NUP210L: variants seen among roughly 807,000 people sequenced by gnomAD.
NUP210L encodes the protein nucleoporin 210 like.
Under a neutral mutation model 208.5 loss-of-function variants are expected in NUP210L, and 74 were observed. The ratio of observed to expected loss-of-function variants is 0.35; its 90% confidence interval spans 0.29 to 0.43. The LOEUF (loss-of-function observed/expected upper bound fraction) is 0.43, where lower values mean the gene tolerates loss of function less well. NUP210L is among the 20% of genes least tolerant of loss of function. The probability of loss-of-function intolerance (pLI) is 1.00; values close to 1 mark genes in which losing one functional copy is unlikely to be tolerated. For missense variants in NUP210L, 1,843 were observed against 2,289.4 expected (o/e 0.81, Z 3.98); for synonymous variants, 780 against 816.9 (o/e 0.95, Z 0.77).
chr1:154,154,737 A>G (rs1488273653), intron 1 of NUP210L, 105 bp downstream of exon 1: 5 of 902,266 alleles, frequency 5.5e-6, no homozygotes, highest in Non-Finnish European at 8.9e-6. Context: ...AGGCCCCTTC[A>G]CGCGGCCCCA....
chr1:154,129,940 A>G lies in NUP210L; in HGVS notation c.1010-595T>C, dbSNP rs942701590. On this transcript the variant is annotated intron_variant, in intron 7 of 39. Transcript: ENST00000368559. ...TTTCAGATAATCCTGGCAGAAATATAAATTTATTCCAGTATCAGTCTATAT... is the reference window on the plus strand; with the variant it reads ...TTTCAGATAATCCTGGCAGAAATATGAATTTATTCCAGTATCAGTCTATAT... Among the ~76,000 whole-genome samples, 4 of 152,232 alleles carry G rather than the reference A, an allele frequency of 2.6e-5. No homozygotes were observed. The East Asian group carries it at 7.7e-4, about 29-fold the overall frequency.
chr1:154,124,226 C>G (rs1246449360), intron 10 of NUP210L, among the ~76,000 whole-genome samples: 1 of 133,152 alleles, frequency 7.5e-6, no homozygotes, highest in Non-Finnish European at 1.6e-5. Context: ...GAGAGCACAA[C>G]GGGGATGGTA....
chr1:154,059,173 C>A (rs1343045134), intron 20 of NUP210L, among the ~76,000 whole-genome samples: 1 of 151,944 alleles, frequency 6.6e-6, no homozygotes, highest in Non-Finnish European at 1.5e-5. Flanking sequence ...TGTCTTTACC[C>A]AAAACAAAAC....
intron 37 of NUP210L, among the ~76,000 whole-genome samples, chr1:153,999,074 C>CA (rs1394237913): frequency 6.6e-6 from 1 of 152,006 alleles, no homozygotes; most frequent in Non-Finnish European, 1.5e-5. Context: ...AGAATTAAAC[C>CA]AAAAGCATAT....
At chr1:153,998,553 CAAAAA>C (rs566361453) in intron 37 of NUP210L, among the ~76,000 whole-genome samples, 7 of 53,774 alleles carry the variant, frequency 1.3e-4, no homozygotes, top group African/African-American at 2.8e-4. Flanking sequence ...GGTTCTGTCT[CAAAAA>C]AAAAAAAAAA....
intron 29 of NUP210L, 35 bp downstream of exon 29, chr1:154,027,471 G>T (rs1651957160): frequency 1.4e-6 from 2 of 1,398,430 alleles, no homozygotes; most frequent in Non-Finnish European, 2.0e-6. Flanking sequence ...CTTAAGCTTA[G>T]ATCCTGGCAC....
intron 26 of NUP210L, 25 bp downstream of exon 26, chr1:154,046,264 C>A (rs1031092070): frequency 6.2e-7 from 1 of 1,613,764 alleles, no homozygotes; most frequent in Non-Finnish European, 8.5e-7. Flanking sequence ...GAATAATGAG[C>A]CCTGAACAGA....
rs549026194 is a variant in NUP210L at position 154,068,495 on chromosome 1, C to A, written c.2554+1778G>T. Among the ~76,000 whole-genome samples, 7 of 152,164 alleles carry A rather than the reference C, an allele frequency of 4.6e-5. No individual in the cohort carries two copies. The South Asian group carries it at 1.5e-3, about 32-fold the overall frequency. The stretch of plus-strand genomic sequence containing the variant: ...AGGAGATCAAGACCATCCTGGCTAA[C>A]ATGGTGAAACCTCATCTCTACTAAA... On this transcript the variant is annotated intron_variant, in intron 17 of 39. Coordinates refer to ENST00000368559, the Ensembl canonical transcript of NUP210L.
chr1:154,006,966 A>ATTTTTTT (rs1196661554), intron 35 of NUP210L, among the ~76,000 whole-genome samples: 1 of 115,810 alleles, frequency 8.6e-6, no homozygotes, highest in African/African-American at 3.3e-5. Flanking sequence ...ATATATATAT[A>ATTTTTTT]TTTTTTTTTT....
chr1:154,006,213 C>G (rs1285492753), intron 35 of NUP210L, among the ~76,000 whole-genome samples: 2 of 152,074 alleles, frequency 1.3e-5, no homozygotes, highest in Non-Finnish European at 2.9e-5. Flanking sequence ...GAGTCTTGCT[C>G]TGTCACCAAG....
chr1:154,103,946 C>T, intron 13 of NUP210L, 66 bp downstream of exon 13: 1 of 1,242,570 alleles, frequency 8.0e-7, no homozygotes, highest in Non-Finnish European at 1.1e-6. Flanking sequence ...TAATCTGTCA[C>T]AGTGGTAGAG....
Position 154,050,596 on chromosome 1 carries a change from T to C in NUP210L, c.3483+3632A>G, listed in dbSNP as rs146465752. ...ATGATAGGAAATGGGAGAACTCAGATTGTCAAATTACATGGATATGATCCC... is the reference window on the plus strand; with the variant it reads ...ATGATAGGAAATGGGAGAACTCAGACTGTCAAATTACATGGATATGATCCC... On this transcript the variant is annotated intron_variant, in intron 25 of 39. Transcript: ENST00000368559. Among the ~76,000 whole-genome samples, 185 of 152,314 alleles carry C rather than the reference T, an allele frequency of 1.2e-3. 1 individual carries two copies. Among genetic ancestry groups the C allele is most frequent in the South Asian group, 2.1e-3 (10 of 4,830 alleles).
Position 154,126,339 on chromosome 1 carries a change from G to C in NUP210L, c.1310C>G (p.Thr437Ser). The change falls in exon 10 of 40, where the codon ACC becomes AGC. Residue 437 changes from threonine (T) to serine (S), a missense_variant. Around this residue, in one of 5 missense-constraint regions of NUP210L, gnomAD observed 542 missense variants for 606.4 expected, o/e 0.89. Coordinates refer to ENST00000368559, the Ensembl canonical transcript of NUP210L. ...AATTCCTACCTGGTAAATGATGGAG[G>C]TCAGGGATGCATTTATTACCACAAC... 6.2e-7 allele frequency: 1 copy of C among 1,612,684 alleles called. No individual in the cohort carries two copies. The highest frequency in any genetic ancestry group is 8.5e-7 in the Non-Finnish European group (1 of 1,179,454).
At chr1:154,041,339 T>C (rs1382598195) in intron 27 of NUP210L, among the ~76,000 whole-genome samples, 1 of 152,052 alleles carries the variant, frequency 6.6e-6, no homozygotes, top group Admixed American at 6.6e-5. Flanking sequence ...TATGTATTTA[T>C]TTATTTATTT....
chr1:154,112,002 A>G (rs1657064807), intron 12 of NUP210L, among the ~76,000 whole-genome samples: 1 of 151,456 alleles, frequency 6.6e-6, no homozygotes, highest in Admixed American at 6.6e-5. Context: ...ATCTCAGCTC[A>G]CTGCAACCTC....
exon 4 of NUP210L, chr1:154,141,513 T>C: frequency 6.2e-7 from 1 of 1,606,024 alleles, no homozygotes; most frequent in Non-Finnish European, 8.5e-7. Flanking sequence ...GCCAAACTAC[T>C]AAAAGTATTT....
chr1:154,005,099 C>T (rs1457070858), intron 35 of NUP210L, among the ~76,000 whole-genome samples: 2 of 151,990 alleles, frequency 1.3e-5, no homozygotes, highest in Non-Finnish European at 2.9e-5. Flanking sequence ...GATCCACCCT[C>T]CTCGGCCTCC....
chr1:154,130,112 G>A (rs1234387740), intron 7 of NUP210L, among the ~76,000 whole-genome samples: 2 of 152,076 alleles, frequency 1.3e-5, no homozygotes, highest in African/African-American at 2.4e-5. Flanking sequence ...GCCGAGGTGG[G>A]TGGACTGTCT....
chr1:154,038,906 C>A (rs1652708191), intron 27 of NUP210L, among the ~76,000 whole-genome samples: 1 of 152,154 alleles, frequency 6.6e-6, no homozygotes, highest in Non-Finnish European at 1.5e-5. Context: ...AAAAACTCTG[C>A]ACTTTATCTC....
Sources: allele counts gnomAD v4.1 joint callset (sites outside exome capture counted in the v4.1 genomes callset), GRCh38; gene constraint gnomAD v4.1.1; regional missense constraint gnomAD v4.1.1; transcripts MANE v1.5; gene names NCBI Gene and HGNC (gene_info 2026-07-23, HGNC 2026-07-21).